Variants in PITPNB observed in about 807,000 individuals in gnomAD.
The protein encoded by PITPNB is phosphatidylinositol transfer protein beta.
Under a neutral mutation model 45.9 loss-of-function variants are expected in PITPNB, and 16 were observed. That is an observed-to-expected ratio of 0.35 (90% CI 0.24 to 0.53). PITPNB has a LOEUF of 0.53. Among genes scored for constraint, PITPNB ranks in the 20% least tolerant of loss-of-function variants. The pLI is 0.93. For synonymous variants in PITPNB, 112 were observed against 108.9 expected, an observed-to-expected ratio of 1.03 and a Z score of -0.18; for missense variants, 188 against 330.5, an observed-to-expected ratio of 0.57 and a Z score of 3.34.
intron 8 of PITPNB, among the ~76,000 whole-genome samples, chr22:27,862,153 A>G (rs1001044291): frequency 2.6e-5 from 4 of 152,134 alleles, no homozygotes; most frequent in Admixed American, 6.5e-5. Context: ...TACCAGCTTC[A>G]ACTCATCCCA....
At chr22:27,887,059 C>T (rs191973657) in intron 7 of PITPNB, among the ~76,000 whole-genome samples, 3 of 152,264 alleles carry the variant, frequency 2.0e-5, no homozygotes, top group Non-Finnish European at 2.9e-5. Context: ...CAAATCACCA[C>T]CAACACATTC....
At chr22:27,895,485 G>A (rs1270719746) in intron 6 of PITPNB, among the ~76,000 whole-genome samples, 3 of 151,646 alleles carry the variant, frequency 2.0e-5, no homozygotes, top group Non-Finnish European at 3.0e-5. Context: ...AGCTACTTGG[G>A]AGGCTGAGGC....
chr22:27,889,178 G>C (rs567792451), intron 7 of PITPNB, among the ~76,000 whole-genome samples: 2 of 152,214 alleles, frequency 1.3e-5, no homozygotes, highest in Non-Finnish European at 2.9e-5. Flanking sequence ...ACCTGAGGGA[G>C]GAGGGGGCAA....
intron 7 of PITPNB, among the ~76,000 whole-genome samples, chr22:27,882,768 G>C (rs1203814536): frequency 6.6e-6 from 1 of 152,142 alleles, no homozygotes; most frequent in Non-Finnish European, 1.5e-5. Flanking sequence ...TAACCCTCTG[G>C]TGAAGGAGCA....
chr22:27,853,049 C>A lies in PITPNB; in HGVS notation c.*653G>T, dbSNP rs1293001706. The stretch of plus-strand genomic sequence containing the variant: ...TACTTTATATTGTCAAATTTGGCTA[C>A]AAGATAATGACCATCCAGAAATAAA... On this transcript the variant is annotated 3_prime_UTR_variant, in exon 12 of 12. Coordinates refer to ENST00000335272, the MANE Select transcript of PITPNB (RefSeq NM_012399.5). The A allele has an allele frequency of 6.6e-6, 1 of 152,466 alleles. No homozygotes were observed. The highest frequency in any genetic ancestry group is 2.4e-5 in the African/African-American group (1 of 41,400). The allele number at this position is 152,466 out of a possible 1,614,324, so 9.4% of individuals were successfully genotyped here.
chr22:27,860,301 A>G (rs1471853496), intron 8 of PITPNB, 60 bp from the exon 9 acceptor site: 1 of 1,028,468 alleles, frequency 9.7e-7, no homozygotes, highest in East Asian at 2.5e-5. Flanking sequence ...TTTCATTAAA[A>G]TTGACTGTTG....
chr22:27,906,837 T>C (rs995441981), intron 3 of PITPNB, among the ~76,000 whole-genome samples: 1 of 152,188 alleles, frequency 6.6e-6, no homozygotes, highest in Non-Finnish European at 1.5e-5. Flanking sequence ...ATTTCAAATG[T>C]CCCGTGCAAT....
chr22:27,886,117 G>A (rs1935116640), intron 7 of PITPNB, among the ~76,000 whole-genome samples: 1 of 152,194 alleles, frequency 6.6e-6, no homozygotes, highest in Non-Finnish European at 1.5e-5. Flanking sequence ...CCCTCTTAAA[G>A]GATATAACAA....
At chr22:27,893,980 A>AT (rs1251309283) in intron 7 of PITPNB, among the ~76,000 whole-genome samples, 7 of 152,310 alleles carry the variant, frequency 4.6e-5, no homozygotes, top group Admixed American at 4.6e-4. Flanking sequence ...GTGAAAAAGA[A>AT]ATTTTTTTAT....
chr22:27,883,977 T>C (rs1229274391), intron 7 of PITPNB, among the ~76,000 whole-genome samples: 1 of 152,196 alleles, frequency 6.6e-6, no homozygotes, highest in Non-Finnish European at 1.5e-5. Flanking sequence ...CTGTGTCCTC[T>C]GGGGTATTAA....
intron 3 of PITPNB, among the ~76,000 whole-genome samples, chr22:27,907,305 C>A (rs1935792600): frequency 6.6e-6 from 1 of 152,146 alleles, no homozygotes; most frequent in Admixed American, 6.5e-5. Flanking sequence ...GTCTTTCCTG[C>A]AGAACAGTGA....
At chr22:27,913,545 G>A (rs1382301386) in intron 2 of PITPNB, among the ~76,000 whole-genome samples, 2 of 152,172 alleles carry the variant, frequency 1.3e-5, no homozygotes, top group African/African-American at 4.8e-5. Flanking sequence ...ATAACTGCAG[G>A]ACATGCAAGT....
At chr22:27,906,227 A>G (rs1306297987) in intron 3 of PITPNB, among the ~76,000 whole-genome samples, 1 of 152,232 alleles carries the variant, frequency 6.6e-6, no homozygotes, top group Admixed American at 6.5e-5. Flanking sequence ...GGTGGGCTGA[A>G]CAGTTTATGT....
chr22:27,894,337 C>T (rs1935374203), intron 7 of PITPNB: 1 of 374,054 alleles, frequency 2.7e-6, no homozygotes, highest in East Asian at 3.8e-5. Context: ...TTGCACAAAG[C>T]CAAAATCTAC....
chr22:27,866,657 T>C (rs1934493918), intron 8 of PITPNB, among the ~76,000 whole-genome samples: 2 of 152,170 alleles, frequency 1.3e-5, no homozygotes, highest in Non-Finnish European at 2.9e-5. Flanking sequence ...TTTAAAACTG[T>C]GTTGGGATGA....
chr22:27,888,905 C>T (rs1435189701), intron 7 of PITPNB, among the ~76,000 whole-genome samples: 1 of 152,188 alleles, frequency 6.6e-6, no homozygotes, highest in African/African-American at 2.4e-5. Flanking sequence ...AGTGACTGCC[C>T]TGGCAAGGCC....
chr22:27,883,980 G>A (rs1373121898), intron 7 of PITPNB, among the ~76,000 whole-genome samples: 2 of 152,144 alleles, frequency 1.3e-5, no homozygotes, highest in African/African-American at 4.8e-5. Context: ...TGTCCTCTGG[G>A]GTATTAAGAA....
chr22:27,860,414 C>T (rs1243967101), intron 8 of PITPNB, 173 bp from the exon 9 acceptor site: 2 of 527,036 alleles, frequency 3.8e-6, no homozygotes, highest in Admixed American at 3.1e-5. Flanking sequence ...GCAGTATTCC[C>T]CTGCTGTAAA....
chr22:27,864,030 A>G (rs1934410519), intron 8 of PITPNB, among the ~76,000 whole-genome samples: 1 of 152,228 alleles, frequency 6.6e-6, no homozygotes, highest in Non-Finnish European at 1.5e-5. Context: ...ATTTACAAGT[A>G]ATTATTTTTT....
Sources: allele counts gnomAD v4.1 joint callset (sites outside exome capture counted in the v4.1 genomes callset), GRCh38; gene constraint gnomAD v4.1.1; transcripts MANE v1.5; gene names NCBI Gene and HGNC (gene_info 2026-07-23, HGNC 2026-07-21).